The following THUMPD3 variants were observed in gnomAD, a reference collection of about 807,000 sequenced individuals.
THUMPD3 encodes the protein tRNA (guanine(6)-N(2))-methyltransferase THUMP3.
In THUMPD3, 44 loss-of-function variants were observed where a neutral mutation model predicts 54.5. The observed-to-expected ratio is 0.81, with a 90% confidence interval of 0.63 to 1.04. The LOEUF is 1.04. Among genes scored for constraint, THUMPD3 ranks in the 50% least tolerant of loss-of-function variants. The pLI, the probability that THUMPD3 is intolerant of heterozygous loss-of-function variation, is 0.00. For synonymous variants in THUMPD3, 196 were observed against 201.4 expected (o/e 0.97, Z 0.23); for missense variants, 604 against 601.3 (o/e 1.00, Z -0.05).
intron 4 of THUMPD3, among the ~76,000 whole-genome samples, chr3:9,373,828 C>T (rs1056418055): frequency 6.6e-6 from 1 of 152,190 alleles, no homozygotes; most frequent in Non-Finnish European, 1.5e-5. Flanking sequence ...GTCCTCCCAC[C>T]TCAGCCTCCC....
rs77084156 is a variant in THUMPD3, at chr3:9,383,284, G to T, written c.1210G>T (p.Val404Leu). 2.5e-6 allele frequency: 4 copies of T among 1,613,438 alleles called. No homozygotes were observed. Among genetic ancestry groups the T allele is most frequent in the Non-Finnish European group, 3.4e-6 (4 of 1,179,558 alleles). Residue 404 changes from valine (V) to leucine (L), a missense_variant, in exon 8 of 10, where the codon GTA becomes TTA. Coordinates refer to ENST00000452837, the MANE Select transcript of THUMPD3 (RefSeq NM_001114092.2). ...PLRTGSVDII[V>L]TDLPFGKRMG... ...GAGAACTGGCTCTGTGGATATTATT[G>T]TAACAGATTTGCCATTTGGAAAAAG... is the stretch of plus-strand genomic sequence containing the variant.
chr3:9,364,445 C>G (rs575687155), intron 1 of THUMPD3, among the ~76,000 whole-genome samples: 4 of 152,154 alleles, frequency 2.6e-5, no homozygotes, highest in African/African-American at 9.6e-5. Flanking sequence ...CTCCCGGATT[C>G]AAGCAATTCT....
Position 9,384,280 on chromosome 3 carries a change from C to T in THUMPD3, c.1304C>T (p.Thr435Ile), listed in dbSNP as rs532812713. 12 of 1,614,210 alleles carry T rather than the reference C, an allele frequency of 7.4e-6. No individual in the cohort carries two copies. The South Asian group carries it at 1.3e-4, about 18-fold the overall frequency. Residue 435 changes from threonine to isoleucine, a missense_variant, in exon 9 of 10, where the codon ACA becomes ATA. Thr to Ile is a moderately conservative substitution (Grantham distance 89). Transcript: ENST00000452837. The stretch of plus-strand genomic sequence containing the variant: ...CTACGGGAGATGAGCCGTGTCTGCA[C>T]ACCTACCACAGGCCGAGCTGTACTA... ...ACLREMSRVC[T>I]PTTGRAVLLT...
At chr3:9,366,275 T>C (rs555197791) in intron 2 of THUMPD3, among the ~76,000 whole-genome samples, 31 of 152,324 alleles carry the variant, frequency 2.0e-4, no homozygotes, top group African/African-American at 7.2e-4. Context: ...AAAGCTGATA[T>C]ATCTCATTAC....
At chr3:9,366,649 T>G (rs1017176704) in intron 2 of THUMPD3, among the ~76,000 whole-genome samples, 4 of 152,240 alleles carry the variant, frequency 2.6e-5, no homozygotes, top group Admixed American at 1.3e-4. Context: ...CACCTTTCTC[T>G]TCTCCCACAA....
intron 7 of THUMPD3, chr3:9,380,983 G>A (rs2032841783): frequency 5.7e-6 from 1 of 176,878 alleles, no homozygotes; most frequent in Admixed American, 6.2e-5. Flanking sequence ...CCAGGCTGGA[G>A]TGCAGTGACA....
intron 7 of THUMPD3, among the ~76,000 whole-genome samples, chr3:9,382,343 AAT>A (rs989637142): frequency 6.6e-6 from 1 of 152,024 alleles, no homozygotes; most frequent in African/African-American, 2.4e-5. Context: ...GCTTTGCCTT[AAT>A]GAGGAGGATT....
chr3:9,377,717 G>A, intron 5 of THUMPD3, 102 bp from the exon 6 acceptor site: 1 of 857,478 alleles, frequency 1.2e-6, no homozygotes, highest in African/African-American at 1.7e-5. Context: ...TGTTCCTTCG[G>A]GCTAGTGTGG....
intron 4 of THUMPD3, among the ~76,000 whole-genome samples, chr3:9,372,538 C>T (rs2032137046): frequency 6.6e-6 from 1 of 151,958 alleles, no homozygotes; most frequent in Non-Finnish European, 1.5e-5. Flanking sequence ...CAAGATCATG[C>T]CACTGCACTT....
chr3:9,378,996 T>C (rs1005480318), intron 6 of THUMPD3, among the ~76,000 whole-genome samples: 1 of 152,106 alleles, frequency 6.6e-6, no homozygotes, highest in Non-Finnish European at 1.5e-5. Flanking sequence ...TTTGAGCCAT[T>C]TCCATGTAAG....
At chr3:9,383,562 A>G (rs2033086829) in intron 8 of THUMPD3, among the ~76,000 whole-genome samples, 1 of 152,114 alleles carries the variant, frequency 6.6e-6, no homozygotes. Context: ...TTCTTGAATT[A>G]TATATCCTAC....
Position 9,384,700 on chromosome 3 carries a change from AGTACTT to A in THUMPD3, c.*19_*24del. On this transcript the variant is annotated 3_prime_UTR_variant, in exon 10 of 10. Coordinates refer to ENST00000452837, the MANE Select transcript of THUMPD3 (RefSeq NM_001114092.2). ...AATGCAAAGAATGAAGATGACTAAT[AGTACTT>A]GTACTTCCCACCACTGGAAATGTTA... The A allele has an allele frequency of 6.2e-7, 1 of 1,614,020 alleles. No homozygotes were observed.
intron 6 of THUMPD3, 118 bp downstream of exon 6, chr3:9,378,006 A>G (rs1362684980): frequency 2.5e-6 from 2 of 796,860 alleles, no homozygotes; most frequent in African/African-American, 3.5e-5. Flanking sequence ...CAAGAGTTTT[A>G]AAACAATTAA....
chr3:9,379,356 G>A (rs1183112031), intron 6 of THUMPD3, among the ~76,000 whole-genome samples: 1 of 152,130 alleles, frequency 6.6e-6, no homozygotes, highest in East Asian at 1.9e-4. Flanking sequence ...ATTGTAGACA[G>A]GGTATGTTAT....
At chr3:9,377,667 G>A in intron 5 of THUMPD3, 152 bp from the exon 6 acceptor site, 2 of 562,338 alleles carry the variant, frequency 3.6e-6, no homozygotes, top group Non-Finnish European at 6.3e-6. Context: ...GAGTCACCGT[G>A]CGCGGCCACA....
At position 9,384,771 on chromosome 3, in the gene THUMPD3, C is replaced by T; in HGVS notation, c.*83C>T. On this transcript the variant is annotated 3_prime_UTR_variant, in exon 10 of 10. Coordinates refer to ENST00000452837, the MANE Select transcript of THUMPD3 (RefSeq NM_001114092.2). ...GGAGAGGAAAAAAGTATTAACAAAA[C>T]TGCAGTCTGCACTCTTTAAACCTGT... The T allele has an allele frequency of 6.7e-7, 1 of 1,493,794 alleles. No individual in the cohort carries two copies. The highest frequency in any genetic ancestry group is 1.2e-5 in the South Asian group (1 of 84,092). 92.5% of individuals were successfully genotyped at this position (1,493,794 alleles called of 1,614,324 possible). A position where few individuals can be genotyped will look rare whatever the true frequency, so the allele number is the denominator to read the frequency against.
In THUMPD3 at chr3:9,386,008, AT is replaced by A. The variant is rs1484697028; in HGVS notation, c.*1324del. 6.6e-6 allele frequency: 1 copy of A among 152,016 alleles called. No individual in the cohort carries two copies. Among genetic ancestry groups the A allele is most frequent in the African/African-American group, 2.4e-5 (1 of 41,364 alleles). 9.4% of individuals were successfully genotyped at this position (152,016 alleles called of 1,614,324 possible). On this transcript the variant is annotated 3_prime_UTR_variant, in exon 10 of 10. Coordinates refer to ENST00000452837, the MANE Select transcript of THUMPD3 (RefSeq NM_001114092.2). ...GAGCCTCTGGCTGCAATCAGTATAG[AT>A]TTTCAGTATCCTATTAGTATTATAA...
intron 8 of THUMPD3, among the ~76,000 whole-genome samples, chr3:9,383,680 G>C (rs909481698): frequency 2.0e-5 from 3 of 151,808 alleles, no homozygotes; most frequent in Admixed American, 6.6e-5. Flanking sequence ...CTGGAGTGCA[G>C]TGGTATGATC....
chr3:9,369,458 A>C (rs867676698), intron 3 of THUMPD3, among the ~76,000 whole-genome samples: 4 of 152,302 alleles, frequency 2.6e-5, no homozygotes, highest in Admixed American at 6.5e-5. Flanking sequence ...TTATACATGA[A>C]ACAAAGTTTG....
Sources: gnomAD v4.1 joint callset for allele counts (sites outside exome capture counted in the v4.1 genomes callset) on GRCh38, gnomAD v4.1.1 for gene constraint, MANE v1.5 for transcripts, NCBI Gene and HGNC (gene_info 2026-07-23, HGNC 2026-07-21) for gene names.